The following TLL1 variants were observed in gnomAD, a reference collection of about 807,000 sequenced individuals.
TLL1 encodes tolloid-like protein 1.
TLL1 carries 49 observed loss-of-function variants against 128.2 expected under a neutral mutation model. The observed-to-expected ratio is 0.38, with a 90% confidence interval of 0.30 to 0.48. TLL1 has a LOEUF of 0.48. Among genes scored for constraint, TLL1 ranks in the 20% least tolerant of loss-of-function variants. The probability of loss-of-function intolerance (pLI) is 0.96; values close to 1 mark genes in which losing one functional copy is unlikely to be tolerated. For missense variants in TLL1, 1,123 were observed against 1,242.0 expected (o/e 0.90, Z 1.44); for synonymous variants, 454 against 418.8 (o/e 1.08, Z -1.03).
intron 1 of TLL1, among the ~76,000 whole-genome samples, chr4:165,954,168 A>G (rs1454138614): frequency 2.0e-5 from 3 of 152,150 alleles, no homozygotes; most frequent in Non-Finnish European, 4.4e-5. Flanking sequence ...GCCAACGGCT[A>G]TACAACATTA....
chr4:166,047,298 G>A (rs1000732236), intron 12 of TLL1, among the ~76,000 whole-genome samples: 6 of 151,400 alleles, frequency 4.0e-5, no homozygotes, highest in African/African-American at 7.3e-5. Context: ...CCGAGTAGCT[G>A]GGACTACAGG....
chr4:166,025,206 C>T, intron 8 of TLL1, 110 bp from the exon 9 acceptor site: 1 of 751,448 alleles, frequency 1.3e-6, no homozygotes, highest in Non-Finnish European at 2.3e-6. Flanking sequence ...CTATAAAAGA[C>T]AAACATTTAG....
At chr4:166,094,931 C>T (rs1190558879) in intron 19 of TLL1, among the ~76,000 whole-genome samples, 1 of 152,044 alleles carries the variant, frequency 6.6e-6, no homozygotes, top group Non-Finnish European at 1.5e-5. Context: ...GGGAATCCTG[C>T]CTATTGACAG....
chr4:166,097,517 GTTAGTC>G (rs982580604), intron 19 of TLL1, among the ~76,000 whole-genome samples: 17 of 152,196 alleles, frequency 1.1e-4, no homozygotes, highest in African/African-American at 3.8e-4. Context: ...TCCTTCATAT[GTTAGTC>G]ACACAAAGGT....
intron 7 of TLL1, among the ~76,000 whole-genome samples, chr4:166,011,190 CA>C (rs1486607663): frequency 6.6e-6 from 1 of 150,496 alleles, no homozygotes; most frequent in Non-Finnish European, 1.5e-5. Flanking sequence ...TCTATTTCAG[CA>C]AAAAAAATGT....
chr4:166,030,527 AC>A (rs1276987790), intron 9 of TLL1: 1 of 606,952 alleles, frequency 1.6e-6, no homozygotes, highest in African/African-American at 1.8e-5. Context: ...CCACTTGTCT[AC>A]TTTTAGTTTT....
At chr4:166,059,977 A>C (rs754386474) in intron 14 of TLL1, 51 bp from the exon 15 acceptor site, 2 of 1,606,008 alleles carry the variant, frequency 1.2e-6, no homozygotes, top group Admixed American at 1.7e-5. Context: ...GGTGCTAAGA[A>C]GTGGGTGACT....
intron 6 of TLL1, among the ~76,000 whole-genome samples, chr4:166,007,278 T>C (rs964827203): frequency 1.6e-4 from 25 of 151,890 alleles, no homozygotes; most frequent in African/African-American, 5.5e-4. Context: ...AATGAAGATG[T>C]CCAGAAGTTA....
At chr4:165,995,381 C>A (rs763640990) in intron 5 of TLL1, among the ~76,000 whole-genome samples, 1 of 152,128 alleles carries the variant, frequency 6.6e-6, no homozygotes, top group Non-Finnish European at 1.5e-5. Flanking sequence ...CAAGTGTATT[C>A]TTTTCTACCA....
chr4:166,055,026 A>ATAT (rs1739938444), intron 12 of TLL1, 50 bp from the exon 13 acceptor site: 2 of 1,501,528 alleles, frequency 1.3e-6, no homozygotes, highest in African/African-American at 1.4e-5. Flanking sequence ...CTCCTATATA[A>ATAT]AATGTTTTAT....
chr4:166,093,634 A>T (rs1579735241), intron 19 of TLL1, among the ~76,000 whole-genome samples: 1 of 152,138 alleles, frequency 6.6e-6, no homozygotes, highest in Admixed American at 6.5e-5. Context: ...ACCTCAGCAC[A>T]GACCCTTTAC....
chr4:166,054,065 A>G (rs1739886024), intron 12 of TLL1, among the ~76,000 whole-genome samples: 2 of 152,152 alleles, frequency 1.3e-5, no homozygotes, highest in Non-Finnish European at 2.9e-5. Context: ...TCATAGGCCA[A>G]TAGTCTCACC....
In TLL1 at chr4:166,063,488, G is replaced by T. The variant is rs191020581; in HGVS notation, c.2008-2195G>T. 6.1e-3 allele frequency among the ~76,000 whole-genome samples: 930 copies of T among 152,146 alleles called. 14 individuals are homozygous for T. Among genetic ancestry groups the T allele is most frequent in the East Asian group, 0.059 (303 of 5,172 alleles). On this transcript the variant is annotated intron_variant, in intron 15 of 20. Coordinates refer to ENST00000061240, the MANE Select transcript of TLL1 (RefSeq NM_012464.5). ...CCATTTGACCCAGCCACCCCATTAC[G>T]GGGTATATACCCAAAGGATTATAAA...
At chr4:165,885,464 A>G (rs563803815) in intron 1 of TLL1, among the ~76,000 whole-genome samples, 338 of 152,024 alleles carry the variant, frequency 2.2e-3, no homozygotes, top group Middle Eastern at 6.8e-3. Flanking sequence ...TGTTCATATC[A>G]TGGCAGCCAC....
At chr4:165,918,854 C>T (rs1732903309) in intron 1 of TLL1, among the ~76,000 whole-genome samples, 1 of 152,080 alleles carries the variant, frequency 6.6e-6, no homozygotes, top group Non-Finnish European at 1.5e-5. Flanking sequence ...TCCTGAAACA[C>T]TGGAGAGTAA....
rs1742421393 is a variant in TLL1 at position 166,104,388 on chromosome 4, T to G, written c.*3512T>G. On this transcript the variant is annotated 3_prime_UTR_variant, in exon 21 of 21. Transcript: ENST00000061240. Reference sequence around the variant, plus strand: ...AGAATAAGACTTGCCTTATGGAAAATTTTTGATACCACTTGTTAAATCAGG... The same window carrying G: ...AGAATAAGACTTGCCTTATGGAAAAGTTTTGATACCACTTGTTAAATCAGG... 6.6e-6 allele frequency among the ~76,000 whole-genome samples: 1 copy of G among 151,874 alleles called. No individual in the cohort carries two copies. The highest frequency in any genetic ancestry group is 2.1e-4 in the South Asian group (1 of 4,830).
intron 12 of TLL1, among the ~76,000 whole-genome samples, 158 bp downstream of exon 12, chr4:166,043,577 G>A (rs1739331714): frequency 6.6e-6 from 1 of 152,130 alleles, no homozygotes; most frequent in African/African-American, 2.4e-5. Context: ...AAGAGCAAAA[G>A]GGTTTTTTTT....
intron 9 of TLL1, among the ~76,000 whole-genome samples, chr4:166,037,708 T>G (rs1032743046): frequency 1.3e-5 from 2 of 151,950 alleles, no homozygotes; most frequent in African/African-American, 4.8e-5. Context: ...CTCAGGAGGC[T>G]GAGGGATGAG....
intron 1 of TLL1, among the ~76,000 whole-genome samples, chr4:165,884,135 C>T (rs1731077524): frequency 6.6e-6 from 1 of 152,020 alleles, no homozygotes; most frequent in African/African-American, 2.4e-5. Flanking sequence ...ATAGATTTAC[C>T]CGAGGGATTT....
Sources: allele counts gnomAD v4.1 joint callset (sites outside exome capture counted in the v4.1 genomes callset), GRCh38; gene constraint gnomAD v4.1.1; transcripts MANE v1.5; gene names NCBI Gene and HGNC (gene_info 2026-07-23, HGNC 2026-07-21).